The following C2orf92 variants were observed in gnomAD, a reference collection of about 807,000 sequenced individuals.
The protein encoded by C2orf92 is uncharacterized protein C2orf92.
intron 3 of C2orf92, among the ~76,000 whole-genome samples, chr2:97,679,837 C>CAAAAAAAAAAAAAA (rs55696146): frequency 1.1e-5 from 1 of 94,752 alleles, no homozygotes; most frequent in Non-Finnish European, 1.9e-5. Context: ...AACTCTATCT[C>CAAAAAAAAAAAAAA]AAAAAAAAAA....
chr2:97,701,191 G>T lies in C2orf92; in HGVS notation c.552G>T (p.Leu184=). 2.5e-6 allele frequency: 1 copy of T among 399,070 alleles called. No individual in the cohort carries two copies. Among genetic ancestry groups the T allele is most frequent in the South Asian group, 1.3e-4 (1 of 7,854 alleles). 24.7% of individuals were successfully genotyped at this position (399,070 alleles called of 1,614,324 possible). ...GGACTATGCCCTGCGGGCAGCTTCT[G>T]CACTTCCTGCAGAGGAACACCATCA... is the stretch of plus-strand genomic sequence containing the variant. ...HFRTMPCGQL[L]HFLQRNTIIA... The change falls in exon 7 of 8, where the codon CTG becomes CTT. Residue 184 remains leucine (L), a synonymous_variant. Transcript: ENST00000627399.
chr2:97,698,818 G>C (rs1196117236), intron 5 of C2orf92, among the ~76,000 whole-genome samples: 1 of 152,112 alleles, frequency 6.6e-6, no homozygotes, highest in African/African-American at 2.4e-5. Context: ...GCTATGGGTG[G>C]GTTGCCCAGG....
intron 6 of C2orf92, 124 bp from the exon 7 acceptor site, chr2:97,701,030 C>T (rs1019689538): frequency 4.1e-5 from 16 of 385,992 alleles, no homozygotes; most frequent in Non-Finnish European, 7.3e-5. Flanking sequence ...CGCGCCCGGC[C>T]GAGATGCCAA....
chr2:97,683,950 C>T (rs536055517), intron 3 of C2orf92, among the ~76,000 whole-genome samples: 6 of 150,388 alleles, frequency 4.0e-5, no homozygotes, highest in Admixed American at 1.3e-4. Context: ...CTGCAAGCTC[C>T]GCCTCCTGGG....
chr2:97,685,853 G>GCACC (rs1675944185), intron 3 of C2orf92, among the ~76,000 whole-genome samples: 1 of 152,186 alleles, frequency 6.6e-6, no homozygotes, highest in Non-Finnish European at 1.5e-5. Flanking sequence ...GTGAGCCACC[G>GCACC]TGCCCAGCCA....
At chr2:97,667,622 TG>T, upstream of C2orf92, among the ~76,000 whole-genome samples, 1 of 151,770 alleles carries the variant, frequency 6.6e-6, no homozygotes, top group Non-Finnish European at 1.5e-5. Context: ...TTAGTAGAGA[TG>T]GGGTTTCACC....
At chr2:97,695,630 T>G (rs2104596082) in intron 5 of C2orf92, among the ~76,000 whole-genome samples, 1 of 152,384 alleles carries the variant, frequency 6.6e-6, no homozygotes, top group Admixed American at 6.5e-5. Flanking sequence ...CTTGATCTTT[T>G]GATTTCTAAA....
chr2:97,665,622 A>T (rs1188070346), upstream of C2orf92, among the ~76,000 whole-genome samples: 1 of 151,550 alleles, frequency 6.6e-6, no homozygotes, highest in African/African-American at 2.4e-5. Context: ...ACAGCATAAC[A>T]AAATTTAGTG....
chr2:97,691,938 C>T (rs866448461), intron 5 of C2orf92, among the ~76,000 whole-genome samples: 2 of 152,152 alleles, frequency 1.3e-5, no homozygotes, highest in Non-Finnish European at 2.9e-5. Flanking sequence ...GTTTTAATGT[C>T]TTGTCGGACT....
chr2:97,686,659 C>A (rs771175299), intron 3 of C2orf92, among the ~76,000 whole-genome samples: 2 of 151,296 alleles, frequency 1.3e-5, no homozygotes, highest in Non-Finnish European at 2.9e-5. Flanking sequence ...GACTCATGAT[C>A]TGCCCACCTC....
intron 4 of C2orf92, among the ~76,000 whole-genome samples, chr2:97,689,281 T>A (rs1676055460): frequency 6.6e-6 from 1 of 152,196 alleles, no homozygotes; most frequent in Admixed American, 6.5e-5. Context: ...AGAAACCTGA[T>A]CTGCAAGTGG....
intron 3 of C2orf92, among the ~76,000 whole-genome samples, chr2:97,688,187 C>T (rs1047255775): frequency 4.6e-5 from 7 of 151,964 alleles, no homozygotes; most frequent in South Asian, 2.1e-4. Flanking sequence ...GTGGTGAGAG[C>T]AGCTCCTCAT....
At chr2:97,690,528 C>T (rs1352739114) in intron 5 of C2orf92, among the ~76,000 whole-genome samples, 1 of 151,734 alleles carries the variant, frequency 6.6e-6, no homozygotes, top group African/African-American at 2.4e-5. Flanking sequence ...CTATGGGGGC[C>T]CGCTACCACG....
At chr2:97,670,068 T>C (rs1415608451) in intron 1 of C2orf92, 2 of 376,120 alleles carry the variant, frequency 5.3e-6, no homozygotes, top group East Asian at 7.6e-5. Flanking sequence ...GAGGGTGGCA[T>C]ACATGCGTAT....
chr2:97,667,138 A>G (rs1328648274), upstream of C2orf92: 1 of 152,236 alleles, frequency 6.6e-6, no homozygotes, highest in East Asian at 1.9e-4. Flanking sequence ...AGAGTGCTAT[A>G]TAATTTCATA....
In C2orf92 at chr2:97,702,719, C is replaced by T. The variant is rs934669474; in HGVS notation, c.716C>T (p.Thr239Ile). Residue 239 changes from threonine to isoleucine, a missense_variant, in exon 8 of 8, where the codon ACA becomes ATA. By Grantham distance (89) the Thr-to-Ile change is moderately conservative. Transcript: ENST00000627399. ...TYNIFIMDGKTWWHNSEEKNF... is the reference protein window; with the variant it reads ...TYNIFIMDGKIWWHNSEEKNF... ...AATATTTTTATAATGGATGGAAAGA[C>T]ATGGTGGCACAATTCTGAAGAAAAA... 2.3e-5 allele frequency: 9 copies of T among 398,564 alleles called. No homozygotes were observed. Among genetic ancestry groups the T allele is most frequent in the African/African-American group, 1.4e-4 (7 of 48,316 alleles). The allele number at this position is 398,564 out of a possible 1,614,324, so 24.7% of individuals were successfully genotyped here. A position where few individuals can be genotyped will look rare whatever the true frequency, so the allele number is the denominator to read the frequency against.
intron 5 of C2orf92, among the ~76,000 whole-genome samples, chr2:97,693,906 A>G (rs1431659952): frequency 1.3e-5 from 2 of 152,254 alleles, no homozygotes; most frequent in Non-Finnish European, 2.9e-5. Flanking sequence ...TTATTATACA[A>G]TACACATAAT....
intron 3 of C2orf92, among the ~76,000 whole-genome samples, chr2:97,680,505 AAAT>A (rs1292219960): frequency 1.3e-5 from 2 of 152,220 alleles, no homozygotes; most frequent in Non-Finnish European, 2.9e-5. Context: ...TATTTCATGC[AAAT>A]AATAGCCAAA....
chr2:97,696,361 T>A (rs1159726532), intron 5 of C2orf92, among the ~76,000 whole-genome samples: 1 of 151,928 alleles, frequency 6.6e-6, no homozygotes, highest in African/African-American at 2.4e-5. Context: ...TGGGAGCTGC[T>A]CTCAGGCTAC....
Sources: gnomAD v4.1 joint callset for allele counts (sites outside exome capture counted in the v4.1 genomes callset) on GRCh38, gnomAD v4.1.1 for gene constraint, MANE v1.5 for transcripts, NCBI Gene and HGNC (gene_info 2026-07-23, HGNC 2026-07-21) for gene names.